TMEM266: variants seen among roughly 807,000 people sequenced by gnomAD.
The protein encoded by TMEM266 is transmembrane protein 266.
Under a neutral mutation model 50.5 loss-of-function variants are expected in TMEM266, and 33 were observed. The ratio of observed to expected loss-of-function variants is 0.65; its 90% CI spans 0.50 to 0.87. The LOEUF is 0.87. TMEM266 is among the 40% of genes least tolerant of loss of function. The pLI, the probability that TMEM266 is intolerant of heterozygous loss-of-function variation, is 0.00. For missense variants in TMEM266, 655 were observed against 695.1 expected (o/e 0.94, Z 0.65); for synonymous variants, 310 against 292.3 (o/e 1.06, Z -0.62).
intron 1 of TMEM266, among the ~76,000 whole-genome samples, chr15:76,120,467 T>C (rs749408785): frequency 1.3e-5 from 2 of 151,436 alleles, no homozygotes; most frequent in Non-Finnish European, 2.9e-5. Context: ...CAAAGAAAAG[T>C]AAGGAAAGAT....
intron 5 of TMEM266, among the ~76,000 whole-genome samples, chr15:76,167,895 T>C (rs1441066293): frequency 6.6e-6 from 1 of 152,206 alleles, no homozygotes; most frequent in Non-Finnish European, 1.5e-5. Context: ...TGTGTGGCTA[T>C]GGGCAGCTTC....
rs1292765625 is a variant in TMEM266 at position 76,204,841 on chromosome 15, C to T, written c.*526C>T. The T allele has an allele frequency of 6.5e-6, 1 of 153,084 alleles. No homozygotes were observed. Among genetic ancestry groups the T allele is most frequent in the East Asian group, 1.9e-4 (1 of 5,200 alleles). 9.5% of individuals were successfully genotyped at this position (153,084 alleles called of 1,614,324 possible). A position where few individuals can be genotyped will look rare whatever the true frequency, so the allele number is the denominator to read the frequency against. On this transcript the variant is annotated 3_prime_UTR_variant, in exon 11 of 11. Coordinates refer to ENST00000388942, the MANE Select transcript of TMEM266 (RefSeq NM_152335.3). The stretch of plus-strand genomic sequence containing the variant: ...GTTTCTGAGTCTCTTCAAGACGAAT[C>T]TAGTTTTCACCTTCACAGGATATAA...
Position 76,156,674 on chromosome 15 carries a change from C to G in TMEM266, c.298C>G (p.Leu100Val), listed in dbSNP as rs761044327. 4.3e-6 allele frequency: 7 copies of G among 1,614,080 alleles called. No homozygotes were observed. The Admixed American group carries it at 1.0e-4, about 23-fold the overall frequency. Reference sequence around the variant, plus strand: ...GCAGGTATTTTTGCTCAGTGCAAGTCTCAACAGTTTCCTGGTAGCCTGTGT... The same window carrying G: ...GCAGGTATTTTTGCTCAGTGCAAGTGTCAACAGTTTCCTGGTAGCCTGTGT... The change falls in exon 4 of 11, where the codon CTC (leucine) becomes GTC (valine). Residue 100 changes from leucine (L) to valine (V), a missense_variant. Coordinates refer to ENST00000388942, the MANE Select transcript of TMEM266 (RefSeq NM_152335.3).
chr15:76,195,946 G>C (rs749017287), intron 9 of TMEM266, among the ~76,000 whole-genome samples: 1 of 152,216 alleles, frequency 6.6e-6, no homozygotes, highest in Non-Finnish European at 1.5e-5. Context: ...TGGCCCTCCT[G>C]CTCCTCCTCT....
intron 1 of TMEM266, among the ~76,000 whole-genome samples, chr15:76,129,657 A>C (rs2037474971): frequency 6.6e-6 from 1 of 151,990 alleles, no homozygotes; most frequent in South Asian, 2.1e-4. Flanking sequence ...CAAATAAATA[A>C]ACAAAAAACA....
At chr15:76,118,876 T>A (rs554043218) in intron 1 of TMEM266, among the ~76,000 whole-genome samples, 1 of 152,218 alleles carries the variant, frequency 6.6e-6, no homozygotes, top group South Asian at 2.1e-4. Context: ...CATGAAGACA[T>A]GGGTTCTTCA....
rs567484389 is a variant in TMEM266 at position 76,065,714 on chromosome 15, A to G, written c.-97+5698A>G. Among the ~76,000 whole-genome samples the G allele has an allele frequency of 2.5e-3, 386 of 151,848 alleles. 3 individuals carry two copies. Among genetic ancestry groups the G allele is most frequent in the African/African-American group, 9.0e-3 (370 of 41,104 alleles). ...ATGCTTAGTAAAGGGTAAGCACCCA[A>G]CAAATGCTATTTTTTTTTATCATAT... On this transcript the variant is annotated intron_variant, in intron 1 of 10. Transcript: ENST00000388942.
chr15:76,066,980 AC>A (rs1042525875), intron 1 of TMEM266, among the ~76,000 whole-genome samples: 1 of 151,804 alleles, frequency 6.6e-6, no homozygotes, highest in South Asian at 2.1e-4. Flanking sequence ...TACCGCGATT[AC>A]CCCCCGTCCC....
intron 8 of TMEM266, chr15:76,181,465 C>T (rs1448896733): frequency 6.6e-6 from 1 of 152,282 alleles, no homozygotes; most frequent in Non-Finnish European, 1.5e-5. Context: ...GCAGTCCCTT[C>T]CAGACTCCCC....
At chr15:76,156,862 C>T (rs1346680324) in intron 4 of TMEM266, 104 bp downstream of exon 4, 13 of 1,223,438 alleles carry the variant, frequency 1.1e-5, no homozygotes, top group South Asian at 4.2e-5. Flanking sequence ...GATCTGCCCC[C>T]GCCGATGCTG....
chr15:76,089,712 T>G (rs180786249), intron 1 of TMEM266, among the ~76,000 whole-genome samples: 120 of 151,954 alleles, frequency 7.9e-4, no homozygotes, highest in Non-Finnish European at 1.4e-3. Context: ...GAATGAAGGA[T>G]GTACCGACAG....
chr15:76,145,828 G>A (rs117545653), intron 3 of TMEM266, among the ~76,000 whole-genome samples: 1 of 152,234 alleles, frequency 6.6e-6, no homozygotes, highest in African/African-American at 2.4e-5. Context: ...AGTTGGACCA[G>A]TGTCCATTGT....
chr15:76,065,720 G>A (rs2036401592), intron 1 of TMEM266, among the ~76,000 whole-genome samples: 1 of 151,488 alleles, frequency 6.6e-6, no homozygotes, highest in South Asian at 2.1e-4. Context: ...CCCAACAAAT[G>A]CTATTTTTTT....
chr15:76,165,723 C>G (rs577100180), intron 5 of TMEM266, among the ~76,000 whole-genome samples: 1 of 152,156 alleles, frequency 6.6e-6, no homozygotes, highest in African/African-American at 2.4e-5. Context: ...TGAAGGTGGC[C>G]GCATGAGGGG....
intron 9 of TMEM266, among the ~76,000 whole-genome samples, chr15:76,193,616 C>G (rs2038613970): frequency 6.6e-6 from 1 of 152,214 alleles, no homozygotes. Flanking sequence ...AGAATCCCCT[C>G]TATAACTCTC....
intron 8 of TMEM266, 129 bp downstream of exon 8, chr15:76,175,803 C>A (rs1029057808): frequency 1.5e-6 from 1 of 675,838 alleles, no homozygotes; most frequent in Non-Finnish European, 2.5e-6. Context: ...TTGTTGGACT[C>A]ATGGGGAACC....
intron 1 of TMEM266, among the ~76,000 whole-genome samples, chr15:76,079,468 A>G (rs1443416847): frequency 6.9e-6 from 1 of 144,504 alleles, no homozygotes; most frequent in Non-Finnish European, 1.5e-5. Flanking sequence ...TCAACTAGTT[A>G]CCTCTGCAAA....
chr15:76,116,365 T>C (rs2955766), intron 1 of TMEM266, among the ~76,000 whole-genome samples: 50,558 of 151,868 alleles, frequency 0.33, 10,082 homozygotes, highest in East Asian at 0.6. Context: ...CGCAGTGGCT[T>C]TCTTGGTTCT....
chr15:76,164,158 G>A (rs1227113249), intron 5 of TMEM266, among the ~76,000 whole-genome samples: 1 of 152,098 alleles, frequency 6.6e-6, no homozygotes, highest in Admixed American at 6.5e-5. Context: ...TTTTGTGACT[G>A]CGGCTTTTAG....
Sources: allele counts gnomAD v4.1 joint callset (sites outside exome capture counted in the v4.1 genomes callset), GRCh38; gene constraint gnomAD v4.1.1; transcripts MANE v1.5; gene names NCBI Gene and HGNC (gene_info 2026-07-23, HGNC 2026-07-21).